PDK1: variants seen among roughly 807,000 people sequenced by gnomAD.
PDK1 encodes [Pyruvate dehydrogenase (acetyl-transferring)] kinase isozyme 1, mitochondrial.
PDK1 carries 39 observed loss-of-function variants against 54.2 expected under a neutral mutation model. That is an observed-to-expected ratio of 0.72 (90% confidence interval 0.56 to 0.94). The LOEUF is 0.94. Among genes scored for constraint, PDK1 ranks in the 40% least tolerant of loss-of-function variants. The probability of loss-of-function intolerance (pLI) is 0.00; values close to 1 mark genes in which losing one functional copy is unlikely to be tolerated. For synonymous variants in PDK1, 221 were observed against 207.1 expected (o/e 1.07, Z -0.58); for missense variants, 552 against 566.0 (o/e 0.98, Z 0.25).
the PDK1 span, among the ~76,000 whole-genome samples, chr2:172,667,198 A>G: frequency 6.6e-6 from 1 of 152,206 alleles, no homozygotes; most frequent in African/African-American, 2.4e-5. Flanking sequence ...AAACAGAAGC[A>G]GGACCTCTAG....
the PDK1 span, among the ~76,000 whole-genome samples, chr2:172,637,312 C>T: frequency 1.3e-5 from 2 of 152,216 alleles, no homozygotes; most frequent in African/African-American, 2.4e-5. Context: ...TCAGTTAGAA[C>T]ATTTCACATG....
the PDK1 span, among the ~76,000 whole-genome samples, chr2:172,647,963 A>G: frequency 6.6e-6 from 1 of 152,212 alleles, no homozygotes; most frequent in Non-Finnish European, 1.5e-5. Flanking sequence ...GAAATGTTTT[A>G]TTTTGATCTA....
chr2:172,657,354 A>G, the PDK1 span, among the ~76,000 whole-genome samples: 1 of 149,976 alleles, frequency 6.7e-6, no homozygotes, highest in African/African-American at 2.4e-5. Context: ...TGGTTTGTTC[A>G]GCTTATTTCT....
chr2:172,610,304 A>G (rs949688871), downstream of PDK1, among the ~76,000 whole-genome samples: 10 of 152,054 alleles, frequency 6.6e-5, no homozygotes, highest in Non-Finnish European at 7.4e-5. Flanking sequence ...TACAGTCACT[A>G]TTTGAAAAAT....
chr2:172,703,231 C>G, the PDK1 span, among the ~76,000 whole-genome samples: 1 of 152,132 alleles, frequency 6.6e-6, no homozygotes, highest in Non-Finnish European at 1.5e-5. Context: ...AAGAGTCAAG[C>G]AACAGATTCT....
the PDK1 span, among the ~76,000 whole-genome samples, chr2:172,649,895 C>G: frequency 1.3e-5 from 2 of 152,256 alleles, no homozygotes; most frequent in South Asian, 2.1e-4. Flanking sequence ...GAGAATGGAA[C>G]CAAGTTGGAA....
chr2:172,594,776 T>C (rs1170308510), intron 10 of PDK1, among the ~76,000 whole-genome samples: 1 of 152,184 alleles, frequency 6.6e-6, no homozygotes, highest in African/African-American at 2.4e-5. Flanking sequence ...GGAAATGCCT[T>C]TGGCCTGGGA....
chr2:172,657,141 A>C, the PDK1 span, among the ~76,000 whole-genome samples: 1,099 of 152,140 alleles, frequency 7.2e-3, 19 homozygotes, highest in African/African-American at 0.025. Context: ...TGTGACCTCA[A>C]TTCTCTGATG....
the PDK1 span, among the ~76,000 whole-genome samples, chr2:172,655,059 C>G: frequency 6.6e-6 from 1 of 152,132 alleles, no homozygotes; most frequent in African/African-American, 2.4e-5. Flanking sequence ...GTCAGAATAT[C>G]CTGGATTTTG....
chr2:172,595,630 G>C (rs1193924244), intron 10 of PDK1, among the ~76,000 whole-genome samples, 199 bp from the exon 11 acceptor site: 1 of 152,152 alleles, frequency 6.6e-6, no homozygotes, highest in Non-Finnish European at 1.5e-5. Flanking sequence ...CTGCACATCA[G>C]TCAGTGCCAT....
intron 8 of PDK1, among the ~76,000 whole-genome samples, chr2:172,574,899 T>C (rs1400774812): frequency 6.6e-6 from 1 of 152,146 alleles, no homozygotes; most frequent in African/African-American, 2.4e-5. Flanking sequence ...TCTAGTACAG[T>C]GTTGAATAGA....
At chr2:172,587,358 G>A (rs140419740) in intron 9 of PDK1, among the ~76,000 whole-genome samples, 2,391 of 152,182 alleles carry the variant, frequency 0.016, 25 homozygotes, top group South Asian at 0.048. Context: ...AAGGCAGGGC[G>A]TCTGGAGTTG....
the PDK1 span, among the ~76,000 whole-genome samples, chr2:172,710,457 T>C: frequency 6.6e-6 from 1 of 152,258 alleles, no homozygotes; most frequent in Non-Finnish European, 1.5e-5. Flanking sequence ...TAGTATTTTT[T>C]CATTTCCTTA....
the PDK1 span, among the ~76,000 whole-genome samples, chr2:172,659,556 C>T: frequency 6.6e-6 from 1 of 152,158 alleles, no homozygotes; most frequent in Admixed American, 6.5e-5. Flanking sequence ...CCGAAAAAAT[C>T]TCTAAGAGGG....
At chr2:172,680,519 T>TTTTA in the PDK1 span, among the ~76,000 whole-genome samples, 29 of 151,962 alleles carry the variant, frequency 1.9e-4, no homozygotes, top group Admixed American at 4.6e-4. Context: ...GCCCACTAAT[T>TTTTA]TTTATTTATT....
At chr2:172,673,492 A>G in the PDK1 span, among the ~76,000 whole-genome samples, 1 of 152,106 alleles carries the variant, frequency 6.6e-6, no homozygotes, top group South Asian at 2.1e-4. Context: ...GGCCCTGGCT[A>G]TGACTAATTA....
the PDK1 span, among the ~76,000 whole-genome samples, chr2:172,626,648 G>T: frequency 4.6e-5 from 7 of 152,004 alleles, no homozygotes; most frequent in African/African-American, 7.2e-5. Context: ...AAAAAAATTA[G>T]CCCAGTGTGG....
Position 172,602,172 on chromosome 2 carries a change from C to G in PDK1, c.*6203C>G, listed in dbSNP as rs1209659912. 6.6e-6 allele frequency: 1 copy of G among 152,240 alleles called. No homozygotes were observed. The highest frequency in any genetic ancestry group is 1.9e-4 in the East Asian group (1 of 5,176). 9.4% of individuals were successfully genotyped at this position (152,240 alleles called of 1,614,324 possible). Reference sequence around the variant, plus strand: ...AAGTTAGTAAAATCTCAAAGCTACACTTGAGCAAAGACTGTGAAATATTAA... The same window carrying G: ...AAGTTAGTAAAATCTCAAAGCTACAGTTGAGCAAAGACTGTGAAATATTAA... On this transcript the variant is annotated 3_prime_UTR_variant, in exon 11 of 11. Coordinates refer to ENST00000282077, the MANE Select transcript of PDK1 (RefSeq NM_002610.5).
the PDK1 span, among the ~76,000 whole-genome samples, chr2:172,669,120 C>A: frequency 1.5e-5 from 2 of 137,092 alleles, no homozygotes; most frequent in Non-Finnish European, 3.0e-5. Flanking sequence ...AGTGCAGTGG[C>A]GCAATCTCGG....
Sources: gnomAD v4.1 joint callset for allele counts (sites outside exome capture counted in the v4.1 genomes callset) on GRCh38, gnomAD v4.1.1 for gene constraint, MANE v1.5 for transcripts, NCBI Gene and HGNC (gene_info 2026-07-23, HGNC 2026-07-21) for gene names.